The following DLG5 variants were observed in gnomAD, a reference collection of about 807,000 sequenced individuals.
DLG5 encodes discs large MAGUK scaffold protein 5, also known as disks large homolog 5.
Under a neutral mutation model 189.8 loss-of-function variants are expected in DLG5, and 48 were observed. The ratio of observed to expected loss-of-function variants is 0.25; its 90% CI spans 0.20 to 0.32. The LOEUF is 0.32. DLG5 is among the 10% of genes least tolerant of loss of function. The probability of loss-of-function intolerance (pLI) is 1.00; values close to 1 mark genes in which losing one functional copy is unlikely to be tolerated. For synonymous variants in DLG5, 1,016 were observed against 1,054.1 expected (o/e 0.96, Z 0.70); for missense variants, 2,160 against 2,544.7 (o/e 0.85, Z 3.25).
intron 8 of DLG5, 88 bp downstream of exon 8, chr10:77,835,650 A>G: frequency 7.2e-7 from 1 of 1,380,400 alleles, no homozygotes; most frequent in Non-Finnish European, 9.7e-7. Context: ...GACATACAGT[A>G]AATGATTCCG....
rs1480509024 is a variant in DLG5, at chr10:77,830,203, G to A, written c.2009+14C>T. 1.9e-6 allele frequency: 3 copies of A among 1,613,812 alleles called. No homozygotes were observed. The highest frequency in any genetic ancestry group is 1.3e-5 in the African/African-American group (1 of 74,904). ...GCCCCACCTTGCCTCCAGAGCCTGG[G>A]CCTCAACTCTTACCTTAAGCGGCCA... On this transcript the variant is annotated intron_variant, in intron 11 of 31. Transcript: ENST00000372391.
intron 1 of DLG5, among the ~76,000 whole-genome samples, chr10:77,908,364 G>A (rs1439647020): frequency 4.6e-5 from 7 of 152,062 alleles, no homozygotes; most frequent in South Asian, 4.1e-4. Context: ...TGCGGCCACC[G>A]GGTCCTCCTT....
chr10:77,816,835 G>C, intron 19 of DLG5, 134 bp from the exon 20 acceptor site: 1 of 1,400,358 alleles, frequency 7.1e-7, no homozygotes, highest in East Asian at 2.4e-5. Context: ...TCAGATGCTA[G>C]GCTCTGCATT....
At chr10:77,884,107 T>C (rs2154577463) in intron 1 of DLG5, among the ~76,000 whole-genome samples, 1 of 152,202 alleles carries the variant, frequency 6.6e-6, no homozygotes, top group Admixed American at 6.5e-5. Context: ...AAAGATCACT[T>C]GGAGCAGGGG....
At chr10:77,856,229 A>G (rs933248732) in intron 3 of DLG5, among the ~76,000 whole-genome samples, 3 of 152,094 alleles carry the variant, frequency 2.0e-5, no homozygotes, top group Non-Finnish European at 4.4e-5. Context: ...GCACACACCT[A>G]TAGTCCCAGC....
At chr10:77,923,484 G>A (rs544557137) in intron 1 of DLG5, among the ~76,000 whole-genome samples, 2 of 152,358 alleles carry the variant, frequency 1.3e-5, no homozygotes, top group East Asian at 3.9e-4. Flanking sequence ...CTGCGCCGGG[G>A]CAGTGGCTCA....
At chr10:77,830,413 C>G (rs143470824) in intron 10 of DLG5, 69 bp from the exon 11 acceptor site, 9 of 1,602,386 alleles carry the variant, frequency 5.6e-6, no homozygotes. Context: ...TCTTAAGCCC[C>G]GAAGCTGCCC....
At chr10:77,895,532 G>T (rs1282206545) in intron 1 of DLG5, among the ~76,000 whole-genome samples, 1 of 152,122 alleles carries the variant, frequency 6.6e-6, no homozygotes, top group Non-Finnish European at 1.5e-5. Flanking sequence ...GTCCAGACTT[G>T]AAGGTGTCAG....
intron 23 of DLG5, among the ~76,000 whole-genome samples, chr10:77,810,363 G>C (rs912760360): frequency 6.6e-6 from 1 of 152,216 alleles, no homozygotes; most frequent in Non-Finnish European, 1.5e-5. Flanking sequence ...CTGGTATAGA[G>C]AATGCAGAGC....
At chr10:77,899,157 G>A (rs572265276) in intron 1 of DLG5, among the ~76,000 whole-genome samples, 12 of 152,318 alleles carry the variant, frequency 7.9e-5, no homozygotes, top group Non-Finnish European at 1.6e-4. Context: ...CCCTAGTAAG[G>A]ATGGCACTGA....
intron 2 of DLG5, among the ~76,000 whole-genome samples, chr10:77,860,702 T>C (rs1389086381): frequency 1.3e-5 from 2 of 152,182 alleles, no homozygotes. Context: ...GGAAACACAA[T>C]CTTACCAAGG....
rs1846048835 is a variant in DLG5, at chr10:77,905,524, AC to A, written c.304+20692del. Reference sequence around the variant, plus strand: ...TCATCCTTGTCCCTACGTTAAAAACACCCTTGTCCCTGCTGTGTCAACTATC... The same window carrying A: ...TCATCCTTGTCCCTACGTTAAAAACACCTTGTCCCTGCTGTGTCAACTATC... On this transcript the variant is annotated intron_variant, in intron 1 of 31. Coordinates refer to ENST00000372391, the MANE Select transcript of DLG5 (RefSeq NM_004747.4). Among the ~76,000 whole-genome samples, 3 of 152,108 alleles carry A rather than the reference AC, an allele frequency of 2.0e-5. No individual in the cohort carries two copies. The South Asian group carries it at 6.2e-4, about 32-fold the overall frequency.
In DLG5 at chr10:77,811,103, C is replaced by T. The variant is rs1468049386; in HGVS notation, c.4454G>A (p.Ser1485Asn). 8 of 1,611,674 alleles carry T rather than the reference C, an allele frequency of 5.0e-6. No homozygotes were observed. The highest frequency in any genetic ancestry group is 6.8e-6 in the Non-Finnish European group (8 of 1,179,928). The change falls in exon 23 of 32, where the codon AGC becomes AAC. Residue 1485 changes from serine to asparagine, a missense_variant. Physicochemically the swap from Ser to Asn is conservative, Grantham distance 46. Transcript: ENST00000372391. ...AGCAACGTCTGCTGACCTGGAGCTGCTCTGCTTGGCTGGGGGGGTGCTAGG... is the reference window on the plus strand; with the variant it reads ...AGCAACGTCTGCTGACCTGGAGCTGTTCTGCTTGGCTGGGGGGGTGCTAGG... ...EGPSTPPAKQ[S>N]SSRIAGDANK...
At chr10:77,813,545 C>T (rs1208196277) in intron 20 of DLG5, among the ~76,000 whole-genome samples, 3 of 152,206 alleles carry the variant, frequency 2.0e-5, no homozygotes, top group Non-Finnish European at 4.4e-5. Context: ...CCCCAGACTA[C>T]ACCCACGGTC....
chr10:77,836,318 T>C (rs1251944031), intron 7 of DLG5, among the ~76,000 whole-genome samples: 1 of 152,116 alleles, frequency 6.6e-6, no homozygotes, highest in Non-Finnish European at 1.5e-5. Context: ...GTAGCACTCA[T>C]ATGAAAACCC....
intron 17 of DLG5, among the ~76,000 whole-genome samples, chr10:77,818,579 T>A (rs1353658224): frequency 6.6e-6 from 1 of 152,202 alleles, no homozygotes; most frequent in Admixed American, 6.5e-5. Context: ...TTGGCACCGA[T>A]GGCCCTTCTC....
intron 2 of DLG5, among the ~76,000 whole-genome samples, chr10:77,860,085 T>G (rs1564556784): frequency 6.6e-6 from 1 of 152,212 alleles, no homozygotes. Context: ...GGCATTGATT[T>G]CACCTTCACA....
intron 7 of DLG5, among the ~76,000 whole-genome samples, chr10:77,839,463 T>A (rs1279461871): frequency 6.6e-6 from 1 of 152,082 alleles, no homozygotes; most frequent in Admixed American, 6.5e-5. Flanking sequence ...ATCGTGCCAC[T>A]TCACTCCAGC....
In DLG5 at chr10:77,821,693, C is replaced by T. The variant is rs374300518; in HGVS notation, c.2791G>A (p.Ala931Thr). The change falls in exon 15 of 32, where the codon GCC becomes ACC. Residue 931 changes from alanine to threonine, a missense_variant. Around this residue, in one of 5 missense-constraint regions of DLG5, gnomAD observed 754 missense variants for 746.5 expected, o/e 1.01. Coordinates refer to ENST00000372391, the MANE Select transcript of DLG5 (RefSeq NM_004747.4). ...TEVGPCGVGEASLDKADSEGS... is the reference protein window; with the variant it reads ...TEVGPCGVGETSLDKADSEGS... ...TCAGAGTCTGCCTTGTCCAGGGAGG[C>T]CTCCCCAACCCCACAGGGGCCCACC... The T allele has an allele frequency of 1.9e-6, 3 of 1,612,366 alleles. No individual in the cohort carries two copies. Among genetic ancestry groups the T allele is most frequent in the Non-Finnish European group, 2.5e-6 (3 of 1,179,660 alleles).
Sources: allele counts gnomAD v4.1 joint callset (sites outside exome capture counted in the v4.1 genomes callset), GRCh38; gene constraint gnomAD v4.1.1; regional missense constraint gnomAD v4.1.1; transcripts MANE v1.5; gene names NCBI Gene and HGNC (gene_info 2026-07-23, HGNC 2026-07-21).